The following SOBP variants were observed in gnomAD, a reference collection of about 807,000 sequenced individuals.
SOBP encodes sine oculis-binding protein homolog.
A neutral mutation model predicts 53.6 loss-of-function variants in SOBP; 4 were observed. That is an observed-to-expected ratio of 0.07 (90% CI 0.04 to 0.17). SOBP has a LOEUF of 0.17. Ranked by LOEUF, SOBP falls within the 10% of genes least tolerant of loss-of-function variation. The pLI is 1.00. For synonymous variants in SOBP, 584 were observed against 522.6 expected (o/e 1.12, Z -1.60); for missense variants, 1,088 against 1,204.7 (o/e 0.90, Z 1.43).
intron 3 of SOBP, among the ~76,000 whole-genome samples, chr6:107,532,820 G>A (rs1450436200): frequency 2.0e-5 from 3 of 152,174 alleles, no homozygotes; most frequent in Non-Finnish European, 2.9e-5. Flanking sequence ...CACCAGTGCC[G>A]GAAGGCTGCA....
At chr6:107,650,530 T>C (rs1437629503) in intron 6 of SOBP, among the ~76,000 whole-genome samples, 1 of 152,250 alleles carries the variant, frequency 6.6e-6, no homozygotes, top group Non-Finnish European at 1.5e-5. Flanking sequence ...TTCAAACATT[T>C]TCATTATCAT....
chr6:107,505,314 TTTTCTTTTC>T (rs899088060), intron 2 of SOBP, among the ~76,000 whole-genome samples: 7 of 152,044 alleles, frequency 4.6e-5, no homozygotes, highest in African/African-American at 1.7e-4. Flanking sequence ...TGCCTCTCAA[TTTTCTTTTC>T]TTTCTTTTTT....
chr6:107,505,384 G>A (rs150015019), intron 2 of SOBP, among the ~76,000 whole-genome samples: 3 of 150,022 alleles, frequency 2.0e-5, no homozygotes, highest in East Asian at 4.0e-4. Flanking sequence ...GTGCAGTGGC[G>A]CGATCTCAGT....
chr6:107,649,101 A>G (rs1316017870), intron 6 of SOBP, among the ~76,000 whole-genome samples: 1 of 136,584 alleles, frequency 7.3e-6, no homozygotes, highest in Non-Finnish European at 1.5e-5. Flanking sequence ...GCAGTGAGCT[A>G]TGATCATGCA....
intron 4 of SOBP, among the ~76,000 whole-genome samples, chr6:107,576,301 C>G (rs749814441): frequency 2.6e-5 from 4 of 152,224 alleles, no homozygotes; most frequent in Non-Finnish European, 5.9e-5. Context: ...CAGTAAAAGT[C>G]AGGATTCTGT....
chr6:107,576,151 G>C (rs2115044685), intron 4 of SOBP, among the ~76,000 whole-genome samples: 1 of 152,256 alleles, frequency 6.6e-6, no homozygotes, highest in Admixed American at 6.5e-5. Flanking sequence ...GGAGCTGTCA[G>C]GAGGACCATC....
intron 6 of SOBP, among the ~76,000 whole-genome samples, chr6:107,638,088 C>T (rs997263565): frequency 6.6e-6 from 1 of 152,236 alleles, no homozygotes; most frequent in Non-Finnish European, 1.5e-5. Context: ...AACCACCTCT[C>T]CTCCACTAAA....
At chr6:107,498,644 A>G (rs1366038584) in intron 1 of SOBP, among the ~76,000 whole-genome samples, 1 of 152,228 alleles carries the variant, frequency 6.6e-6, no homozygotes, top group Non-Finnish European at 1.5e-5. Flanking sequence ...CCAGTTGAAT[A>G]AGGAAGGTGT....
intron 3 of SOBP, among the ~76,000 whole-genome samples, chr6:107,516,027 A>T (rs1029636922): frequency 9.2e-5 from 14 of 152,076 alleles, no homozygotes; most frequent in Non-Finnish European, 1.5e-4. Flanking sequence ...ATAAATGATT[A>T]AAAAAAACTT....
intron 4 of SOBP, among the ~76,000 whole-genome samples, chr6:107,565,324 T>G (rs900342037): frequency 6.9e-4 from 105 of 152,202 alleles, no homozygotes; most frequent in Admixed American, 6.8e-3. Flanking sequence ...TGCCGTAGAA[T>G]CTGTCTGCAC....
intron 5 of SOBP, among the ~76,000 whole-genome samples, chr6:107,628,575 T>C (rs965880438): frequency 2.6e-5 from 4 of 152,188 alleles, no homozygotes; most frequent in Non-Finnish European, 5.9e-5. Context: ...TGAAAATATA[T>C]ACTCTGTAAG....
At chr6:107,505,685 C>G (rs1782971218) in intron 2 of SOBP, among the ~76,000 whole-genome samples, 1 of 152,116 alleles carries the variant, frequency 6.6e-6, no homozygotes, top group African/African-American at 2.4e-5. Flanking sequence ...GAGTCTTGCT[C>G]TGTCACCCAG....
chr6:107,507,431 G>A (rs1296284860), intron 3 of SOBP, among the ~76,000 whole-genome samples: 1 of 151,994 alleles, frequency 6.6e-6, no homozygotes, highest in Non-Finnish European at 1.5e-5. Flanking sequence ...TCAGCCTCTT[G>A]AGTAGCTGGG....
Position 107,502,356 on chromosome 6 carries a change from C to T in SOBP, c.97-1301C>T, listed in dbSNP as rs1000563274. 3.3e-5 allele frequency among the ~76,000 whole-genome samples: 5 copies of T among 152,248 alleles called. No individual in the cohort carries two copies. The East Asian group carries it at 9.6e-4, about 29-fold the overall frequency. ...AGAATATATAGTTTTTCTGGCTCAG[C>T]TTAGGAAGCTCGTGGTTCCCTGCGA... On this transcript the variant is annotated intron_variant, in intron 1 of 6. Coordinates refer to ENST00000317357, the MANE Select transcript of SOBP (RefSeq NM_018013.4).
chr6:107,515,838 T>C (rs774932106), intron 3 of SOBP, among the ~76,000 whole-genome samples: 12 of 152,172 alleles, frequency 7.9e-5, no homozygotes, highest in African/African-American at 1.2e-4. Flanking sequence ...GCCAATGATA[T>C]ATGCAAAATG....
At position 107,587,155 on chromosome 6, in the gene SOBP, A is replaced by G; in HGVS notation, c.649A>G (p.Lys217Glu). 1 of 1,613,624 alleles carries G rather than the reference A, an allele frequency of 6.2e-7. No homozygotes were observed. Among genetic ancestry groups the G allele is most frequent in the Non-Finnish European group, 8.5e-7 (1 of 1,179,718 alleles). Residue 217 changes from lysine (K) to glutamate (E), a missense_variant, in exon 5 of 7, where the codon AAG (lysine) becomes GAG (glutamate). This residue lies in a region of SOBP where 55 missense variants were observed against 134.3 expected (regional missense o/e 0.41). Coordinates refer to ENST00000317357, the MANE Select transcript of SOBP (RefSeq NM_018013.4). ...TAAGGAAACTCCAAGGCTTGCCTTC[A>G]AGAATAACTGCGAACTACTTGTAAG... is the stretch of plus-strand genomic sequence containing the variant. ...YAKETPRLAF[K>E]NNCELLVCDW... is the part of the protein sequence containing the mutation.
chr6:107,532,892 A>G (rs1783872440), intron 3 of SOBP, among the ~76,000 whole-genome samples: 1 of 152,226 alleles, frequency 6.6e-6, no homozygotes, highest in Non-Finnish European at 1.5e-5. Context: ...CTGGCCACGC[A>G]CATCTTTCCT....
chr6:107,615,736 G>C (rs1786760506), intron 5 of SOBP, among the ~76,000 whole-genome samples: 1 of 152,146 alleles, frequency 6.6e-6, no homozygotes, highest in African/African-American at 2.4e-5. Flanking sequence ...TGGAGAGCAG[G>C]AAGAGGAGGC....
chr6:107,626,106 G>A lies in SOBP; in HGVS notation c.670-7408G>A, dbSNP rs573466258. ...AAAACAAAAAGTTACAGTAAATAAG[G>A]TAAATACATATCTGAAAAAAGATTC... On this transcript the variant is annotated intron_variant, in intron 5 of 6. Coordinates refer to ENST00000317357, the MANE Select transcript of SOBP (RefSeq NM_018013.4). Among the ~76,000 whole-genome samples the A allele has an allele frequency of 2.6e-5, 4 of 152,190 alleles. No individual in the cohort carries two copies. The South Asian group carries it at 8.3e-4, about 32-fold the overall frequency.
Sources: gnomAD v4.1 joint callset for allele counts (sites outside exome capture counted in the v4.1 genomes callset) on GRCh38, gnomAD v4.1.1 for gene constraint, gnomAD v4.1.1 regional missense constraint, MANE v1.5 for transcripts, NCBI Gene and HGNC (gene_info 2026-07-23, HGNC 2026-07-21) for gene names.